Variants in CNTNAP5 observed in about 807,000 individuals in gnomAD.
The protein encoded by CNTNAP5 is contactin associated protein family member 5, also known as contactin-associated protein-like 5.
A neutral mutation model predicts 150.2 loss-of-function variants in CNTNAP5; 72 were observed. That is an observed-to-expected ratio of 0.48 (90% CI 0.40 to 0.58). CNTNAP5 has a LOEUF of 0.58. Among genes scored for constraint, CNTNAP5 ranks in the 20% least tolerant of loss-of-function variants. The pLI is 0.00. For missense variants in CNTNAP5, 1,636 were observed against 1,626.2 expected (o/e 1.01, Z -0.10); for synonymous variants, 672 against 619.8 (o/e 1.08, Z -1.25).
intron 21 of CNTNAP5, among the ~76,000 whole-genome samples, chr2:124,879,554 G>T (rs139954184): frequency 6.6e-6 from 1 of 152,186 alleles, no homozygotes; most frequent in African/African-American, 2.4e-5. Flanking sequence ...ACCATAGAAA[G>T]GTTGCTTCTT....
At chr2:124,733,051 T>G (rs1440491081) in intron 13 of CNTNAP5, among the ~76,000 whole-genome samples, 3 of 152,184 alleles carry the variant, frequency 2.0e-5, no homozygotes, top group African/African-American at 7.2e-5. Context: ...CTGTTCACTT[T>G]ATTTAACACA....
intron 19 of CNTNAP5, among the ~76,000 whole-genome samples, chr2:124,839,723 G>A (rs1682906510): frequency 6.6e-6 from 1 of 152,074 alleles, no homozygotes; most frequent in Non-Finnish European, 1.5e-5. Context: ...AGAGTGAAAA[G>A]CCCTTTAGCA....
At chr2:124,131,096 G>T (rs1317845094) in intron 1 of CNTNAP5, among the ~76,000 whole-genome samples, 1 of 152,142 alleles carries the variant, frequency 6.6e-6, no homozygotes, top group Non-Finnish European at 1.5e-5. Context: ...AATGTGAATA[G>T]CTGTGTTTTA....
At chr2:124,122,759 GACACAC>G (rs66540981) in intron 1 of CNTNAP5, among the ~76,000 whole-genome samples, 139 of 127,710 alleles carry the variant, frequency 1.1e-3, no homozygotes, top group African/African-American at 2.2e-3. Context: ...GGTGGTAAAA[GACACAC>G]ACACACACAC....
At chr2:124,503,934 T>G in intron 7 of CNTNAP5, among the ~76,000 whole-genome samples, 1 of 152,226 alleles carries the variant, frequency 6.6e-6, no homozygotes, top group East Asian at 1.9e-4. Flanking sequence ...TATCCCTTTT[T>G]TAGCACGTTC....
chr2:124,518,884 G>T (rs1204982576), intron 8 of CNTNAP5, among the ~76,000 whole-genome samples: 2 of 151,320 alleles, frequency 1.3e-5, no homozygotes, highest in Non-Finnish European at 2.9e-5. Context: ...AGCTACTCAG[G>T]AGGCTGAGCC....
intron 17 of CNTNAP5, among the ~76,000 whole-genome samples, chr2:124,781,313 C>A (rs1368236786): frequency 6.6e-6 from 1 of 152,124 alleles, no homozygotes; most frequent in Non-Finnish European, 1.5e-5. Context: ...GTACTCAAGG[C>A]GGTATGAGCA....
chr2:124,583,137 T>C (rs1042534514), intron 11 of CNTNAP5, among the ~76,000 whole-genome samples: 1 of 145,924 alleles, frequency 6.9e-6, no homozygotes, highest in African/African-American at 2.5e-5. Flanking sequence ...CTTCTGCTTC[T>C]GTACATTTCA....
intron 7 of CNTNAP5, among the ~76,000 whole-genome samples, chr2:124,483,824 C>T (rs1302544065): frequency 1.3e-5 from 2 of 152,224 alleles, no homozygotes; most frequent in Non-Finnish European, 1.5e-5. Context: ...CTGGCATGGT[C>T]TTATCTTTGT....
intron 3 of CNTNAP5, among the ~76,000 whole-genome samples, chr2:124,278,496 C>T (rs1165628327): frequency 6.6e-6 from 1 of 152,128 alleles, no homozygotes. Flanking sequence ...TATCCACAAT[C>T]AAAACAAAGC....
intron 8 of CNTNAP5, among the ~76,000 whole-genome samples, chr2:124,504,770 G>T (rs1309072768): frequency 7.0e-6 from 1 of 142,708 alleles, no homozygotes; most frequent in Non-Finnish European, 1.5e-5. Flanking sequence ...GCAGTGGCTC[G>T]ATCTCAGCTC....
intron 3 of CNTNAP5, among the ~76,000 whole-genome samples, chr2:124,295,730 T>C (rs1262244108): frequency 8.9e-6 from 1 of 112,484 alleles, no homozygotes; most frequent in Non-Finnish European, 1.9e-5. Context: ...TGTTTATTTC[T>C]AAACAAAAGG....
intron 5 of CNTNAP5, among the ~76,000 whole-genome samples, chr2:124,441,507 T>G (rs1692673080): frequency 6.6e-6 from 1 of 152,114 alleles, no homozygotes; most frequent in African/African-American, 2.4e-5. Flanking sequence ...ATGTATATTT[T>G]AAATCAGTAT....
At chr2:124,025,859 T>G in intron 1 of CNTNAP5, 127 bp downstream of exon 1, 1 of 800,660 alleles carries the variant, frequency 1.2e-6, no homozygotes, top group South Asian at 1.5e-5. Flanking sequence ...AAAATGCTGA[T>G]CAGTGTGGTT....
intron 1 of CNTNAP5, among the ~76,000 whole-genome samples, chr2:124,092,715 T>C (rs77045214): frequency 0.015 from 2,335 of 152,342 alleles, 60 homozygotes; most frequent in African/African-American, 0.052. Flanking sequence ...TGAAAGGCCA[T>C]GGAGACTGAG....
chr2:124,277,754 C>T (rs1687918543), intron 3 of CNTNAP5, among the ~76,000 whole-genome samples: 1 of 152,076 alleles, frequency 6.6e-6, no homozygotes, highest in African/African-American at 2.4e-5. Flanking sequence ...TGTCTTTTGC[C>T]ATCAGAAATC....
chr2:124,781,201 C>T (rs995583554), intron 17 of CNTNAP5, among the ~76,000 whole-genome samples: 3 of 152,072 alleles, frequency 2.0e-5, no homozygotes, highest in African/African-American at 7.2e-5. Context: ...GCAATGGGGT[C>T]ATGGAGATAA....
chr2:124,620,988 A>C (rs1197499241), intron 12 of CNTNAP5, among the ~76,000 whole-genome samples: 1 of 152,164 alleles, frequency 6.6e-6, no homozygotes, highest in Non-Finnish European at 1.5e-5. Flanking sequence ...ATGAGATTTC[A>C]GAGGCTCTTG....
At chr2:124,375,427 A>T (rs556426062) in intron 3 of CNTNAP5, among the ~76,000 whole-genome samples, 4 of 152,106 alleles carry the variant, frequency 2.6e-5, no homozygotes, top group Non-Finnish European at 5.9e-5. Context: ...GTATAACTTC[A>T]ATCTAATTTG....
Sources: allele counts gnomAD v4.1 joint callset (sites outside exome capture counted in the v4.1 genomes callset), GRCh38; gene constraint gnomAD v4.1.1; transcripts MANE v1.5; gene names NCBI Gene and HGNC (gene_info 2026-07-23, HGNC 2026-07-21).